TTC23: variants seen among roughly 807,000 people sequenced by gnomAD.
TTC23 encodes the protein tetratricopeptide repeat domain 23.
TTC23 carries 58 observed loss-of-function variants against 55.1 expected under a neutral mutation model. The ratio of observed to expected loss-of-function variants is 1.05; its 90% CI spans 0.85 to 1.31. TTC23 has a LOEUF of 1.31. TTC23 is among the 50% of genes most tolerant of loss of function. The pLI is 0.00. For missense variants in TTC23, 516 were observed against 534.4 expected (o/e 0.97, Z 0.34); for synonymous variants, 203 against 199.9 (o/e 1.02, Z -0.13).
chr15:99,226,534 C>T (rs1245930801), intron 5 of TTC23, among the ~76,000 whole-genome samples: 13 of 152,028 alleles, frequency 8.6e-5, no homozygotes, highest in African/African-American at 2.4e-4. Flanking sequence ...ATGTTAATAC[C>T]ATGCTGAAAA....
Position 99,237,393 on chromosome 15 carries a change from C to A in TTC23, c.-113-2313G>T, listed in dbSNP as rs2079411140. 2.0e-5 allele frequency among the ~76,000 whole-genome samples: 3 copies of A among 151,810 alleles called. No homozygotes were observed. The South Asian group carries it at 6.2e-4, about 32-fold the overall frequency. Reference sequence around the variant, plus strand: ...TAGCTAAAAAACTAGAAAAAAAACCCCAAATGTCTATAAATGGGTAAATGG... The same window carrying A: ...TAGCTAAAAAACTAGAAAAAAAACCACAAATGTCTATAAATGGGTAAATGG... On this transcript the variant is annotated intron_variant, in intron 3 of 13. Coordinates refer to ENST00000394132, the MANE Select transcript of TTC23 (RefSeq NM_001288615.3).
In TTC23 at chr15:99,221,931, C is replaced by T. The variant is rs907023588; in HGVS notation, c.181-67G>A. ...AGAGTCACAAAACACAAAATCAATG[C>T]GCTTTTATATCCCTTTGATAAATAC... On this transcript the variant is annotated intron_variant, in intron 5 of 13. Coordinates refer to ENST00000394132, the MANE Select transcript of TTC23 (RefSeq NM_001288615.3). 2.4e-5 allele frequency: 38 copies of T among 1,566,918 alleles called. No homozygotes were observed. The East Asian group carries it at 2.5e-4, about 10-fold the overall frequency.
At chr15:99,229,815 G>C (rs1346199095) in intron 4 of TTC23, among the ~76,000 whole-genome samples, 1 of 152,198 alleles carries the variant, frequency 6.6e-6, no homozygotes, top group Non-Finnish European at 1.5e-5. Context: ...TAGATAGTTA[G>C]AGTACTCAGA....
intron 9 of TTC23, among the ~76,000 whole-genome samples, chr15:99,196,209 T>C (rs751519453): frequency 2.3e-4 from 34 of 151,018 alleles, no homozygotes; most frequent in South Asian, 2.1e-4. Flanking sequence ...TAAAGTAAAT[T>C]TGAGACTCTA....
chr15:99,217,800 G>C (rs1350538010), intron 8 of TTC23, among the ~76,000 whole-genome samples: 1 of 152,192 alleles, frequency 6.6e-6, no homozygotes, highest in Non-Finnish European at 1.5e-5. Context: ...TTCTCCTGGG[G>C]CCCTTTCCTA....
chr15:99,163,297 G>A (rs1364299709), intron 10 of TTC23, among the ~76,000 whole-genome samples: 3 of 152,198 alleles, frequency 2.0e-5, no homozygotes, highest in Admixed American at 2.0e-4. Context: ...GGATATAGTG[G>A]AAGGACCTGA....
intron 12 of TTC23, among the ~76,000 whole-genome samples, chr15:99,151,665 T>C (rs1235672694): frequency 6.6e-6 from 1 of 152,192 alleles, no homozygotes; most frequent in Non-Finnish European, 1.5e-5. Flanking sequence ...ATTCTGTCAG[T>C]GACAACCCAA....
intron 12 of TTC23, chr15:99,139,810 A>G: frequency 8.3e-7 from 1 of 1,199,220 alleles, no homozygotes; most frequent in Admixed American, 2.5e-5. Context: ...TTATTAATAT[A>G]TAGGCTGTCT....
At chr15:99,180,707 G>A (rs529908533) in intron 9 of TTC23, among the ~76,000 whole-genome samples, 207 of 152,298 alleles carry the variant, frequency 1.4e-3, no homozygotes, top group Non-Finnish European at 2.5e-3. Flanking sequence ...GGGTCTTGGG[G>A]GTTAGGGAAA....
intron 3 of TTC23, among the ~76,000 whole-genome samples, chr15:99,236,961 G>T (rs1341904962): frequency 6.6e-6 from 1 of 150,778 alleles, no homozygotes; most frequent in African/African-American, 2.4e-5. Context: ...CTTAGCACAG[G>T]AGTCATCATT....
intron 8 of TTC23, among the ~76,000 whole-genome samples, chr15:99,201,519 C>G (rs1299483653): frequency 1.3e-5 from 2 of 152,124 alleles, no homozygotes; most frequent in Non-Finnish European, 2.9e-5. Context: ...TTTTTCACAC[C>G]TATTTTTGCT....
Position 99,247,372 on chromosome 15 carries a change from T to C in TTC23, c.-431+1799A>G, listed in dbSNP as rs563463984. On this transcript the variant is annotated intron_variant, in intron 1 of 13. Transcript: ENST00000394132. The stretch of plus-strand genomic sequence containing the variant: ...ATACAAAAACTTGTACCCATCTTCA[T>C]AGCAGCATTATTCATAATGCTAAAT... 1.0e-3 allele frequency among the ~76,000 whole-genome samples: 153 copies of C among 152,322 alleles called. 2 individuals carry two copies. Among genetic ancestry groups the C allele is most frequent in the Admixed American group, 2.7e-3 (41 of 15,300 alleles).
intron 4 of TTC23, among the ~76,000 whole-genome samples, chr15:99,233,129 G>A (rs1320244520): frequency 6.6e-6 from 1 of 152,192 alleles, no homozygotes; most frequent in Non-Finnish European, 1.5e-5. Context: ...AGCGGAGGTT[G>A]TGGGAGGAGG....
chr15:99,222,708 C>T lies in TTC23; in HGVS notation c.181-844G>A, dbSNP rs75182041. 6.3e-3 allele frequency among the ~76,000 whole-genome samples: 959 copies of T among 152,212 alleles called. 6 individuals are homozygous for T. The highest frequency in any genetic ancestry group is 8.4e-3 in the Non-Finnish European group (573 of 68,002). The stretch of plus-strand genomic sequence containing the variant: ...AAGCAGAGCTGGCAGTTTTAAAACA[C>T]GGTTCCAGGCTGGGCGTGGTGGCTC... On this transcript the variant is annotated intron_variant, in intron 5 of 13. Coordinates refer to ENST00000394132, the MANE Select transcript of TTC23 (RefSeq NM_001288615.3).
chr15:99,239,817 A>G (rs1597032061), intron 3 of TTC23, among the ~76,000 whole-genome samples: 1 of 152,330 alleles, frequency 6.6e-6, no homozygotes, highest in East Asian at 1.9e-4. Context: ...ACCAACTAAT[A>G]TATACATAAC....
At chr15:99,147,651 C>T (rs189451176) in intron 12 of TTC23, among the ~76,000 whole-genome samples, 1 of 152,192 alleles carries the variant, frequency 6.6e-6, no homozygotes, top group Non-Finnish European at 1.5e-5. Context: ...TCTTTAAGCA[C>T]ACTTCTCAAC....
rs532730585 is a variant in TTC23 at position 99,196,275 on chromosome 15, G to A, written c.759+3644C>T. Among the ~76,000 whole-genome samples the A allele has an allele frequency of 2.0e-5, 3 of 152,208 alleles. No individual in the cohort carries two copies. The East Asian group carries it at 5.8e-4, about 29-fold the overall frequency. On this transcript the variant is annotated intron_variant, in intron 9 of 13. Coordinates refer to ENST00000394132, the MANE Select transcript of TTC23 (RefSeq NM_001288615.3). The stretch of plus-strand genomic sequence containing the variant: ...AAGCTGGCATGGTTTGTACAAAACT[G>A]CTTCATTTAAGAACAAACAAAGAAA...
At chr15:99,229,639 C>T (rs2078767868) in intron 4 of TTC23, among the ~76,000 whole-genome samples, 1 of 152,160 alleles carries the variant, frequency 6.6e-6, no homozygotes, top group African/African-American at 2.4e-5. Flanking sequence ...GAGGGACACC[C>T]TCAAGTATAG....
chr15:99,215,253 T>C (rs1296120829), intron 8 of TTC23, among the ~76,000 whole-genome samples: 2 of 152,114 alleles, frequency 1.3e-5, no homozygotes, highest in African/African-American at 4.8e-5. Context: ...TTGTACGTAT[T>C]ACAAATATTG....
Sources: allele counts gnomAD v4.1 joint callset (sites outside exome capture counted in the v4.1 genomes callset), GRCh38; gene constraint gnomAD v4.1.1; transcripts MANE v1.5; gene names NCBI Gene and HGNC (gene_info 2026-07-23, HGNC 2026-07-21).